Variants in ALK observed in about 807,000 individuals in gnomAD.
ALK encodes the protein ALK tyrosine kinase receptor.
In ALK, 74 loss-of-function variants were observed where a neutral mutation model predicts 163.1. The ratio of observed to expected loss-of-function variants is 0.45; its 90% confidence interval spans 0.38 to 0.55. The LOEUF is 0.55. Ranked by LOEUF, ALK falls within the 20% of genes least tolerant of loss-of-function variation. The probability of loss-of-function intolerance (pLI) is 0.00; values close to 1 mark genes in which losing one functional copy is unlikely to be tolerated. For synonymous variants in ALK, 960 were observed against 843.2 expected (o/e 1.14, Z -2.40); for missense variants, 2,063 against 2,105.3 (o/e 0.98, Z 0.39).
In ALK at chr2:29,771,826, G is replaced by A. The variant is rs566185163; in HGVS notation, c.668-54129C>T. Among the ~76,000 whole-genome samples the A allele has an allele frequency of 7.2e-5, 11 of 151,804 alleles. No individual in the cohort carries two copies. In the East Asian group the frequency reaches 7.8e-4, roughly 11 times the overall value. On this transcript the variant is annotated intron_variant, in intron 1 of 28. Coordinates refer to ENST00000389048, the MANE Select transcript of ALK (RefSeq NM_004304.5). ...TGGGATTACAGGCATGAGCCACTGC[G>A]CCCAGCCTGCACCCTGGAATTCTAT...
At chr2:29,888,281 A>G (rs1386137350) in intron 1 of ALK, among the ~76,000 whole-genome samples, 1 of 136,750 alleles carries the variant, frequency 7.3e-6, no homozygotes. Context: ...GAAACTATGT[A>G]TTAAGCTAAT....
chr2:29,524,080 A>G (rs530644880), intron 4 of ALK, among the ~76,000 whole-genome samples: 8 of 152,138 alleles, frequency 5.3e-5, no homozygotes, highest in African/African-American at 1.9e-4. Flanking sequence ...TCATCTTTTC[A>G]TCGATTGGAG....
chr2:29,512,864 AGAGAGCCAAATCAT>A (rs905452622), intron 4 of ALK, among the ~76,000 whole-genome samples: 8 of 151,140 alleles, frequency 5.3e-5, no homozygotes, highest in African/African-American at 2.0e-4. Flanking sequence ...ACAGACAAAC[AGAGAGCCAAATCAT>A]GAGTGAACTC....
In ALK at chr2:29,207,170, C is replaced by A; in HGVS notation, c.3938+1G>T. On this transcript the variant is annotated splice_donor_variant, in intron 26 of 28. Coordinates refer to ENST00000389048, the MANE Select transcript of ALK (RefSeq NM_004304.5). LOFTEE classifies it high-confidence loss of function. The stretch of plus-strand genomic sequence containing the variant: ...TACCTGGAGGATGATGGCTGACTTA[C>A]CATGTGTCTGTTTTAGAAGTGAATA... 6.2e-7 allele frequency: 1 copy of A among 1,612,074 alleles called. No individual in the cohort carries two copies. Among genetic ancestry groups the A allele is most frequent in the South Asian group, 1.1e-5 (1 of 91,042 alleles).
At chr2:29,402,144 T>A (rs991443088) in intron 4 of ALK, among the ~76,000 whole-genome samples, 2 of 152,144 alleles carry the variant, frequency 1.3e-5, no homozygotes, top group Admixed American at 1.3e-4. Flanking sequence ...CATTCCCAGG[T>A]GAACTCCAGC....
At chr2:29,528,353 TAC>T (rs1034836889) in intron 4 of ALK, among the ~76,000 whole-genome samples, 3 of 152,172 alleles carry the variant, frequency 2.0e-5, no homozygotes, top group African/African-American at 7.2e-5. Flanking sequence ...GGACCAATTT[TAC>T]ACAGACAATT....
chr2:29,764,881 G>T (rs1236748400), intron 1 of ALK, among the ~76,000 whole-genome samples: 2 of 152,138 alleles, frequency 1.3e-5, no homozygotes, highest in African/African-American at 4.8e-5. Context: ...AATTCCAAAT[G>T]TTGGAGGTGG....
chr2:29,382,193 C>T (rs1351501274), intron 5 of ALK, among the ~76,000 whole-genome samples: 1 of 152,170 alleles, frequency 6.6e-6, no homozygotes, highest in Non-Finnish European at 1.5e-5. Flanking sequence ...TAAGAGGGTG[C>T]CCTGCCAGCG....
At chr2:29,406,706 C>T (rs1669592716) in intron 4 of ALK, among the ~76,000 whole-genome samples, 2 of 152,054 alleles carry the variant, frequency 1.3e-5, no homozygotes, top group South Asian at 4.2e-4. Context: ...TCGAGACCAT[C>T]CTGGCCAACA....
chr2:29,481,003 C>T (rs78206780), intron 4 of ALK, among the ~76,000 whole-genome samples: 4,570 of 152,244 alleles, frequency 0.03, 92 homozygotes, highest in South Asian at 0.097. Flanking sequence ...AAAAGAGATC[C>T]GGCATGATCC....
chr2:29,281,982 A>G (rs1011122413), intron 9 of ALK, among the ~76,000 whole-genome samples: 1 of 152,192 alleles, frequency 6.6e-6, no homozygotes, highest in African/African-American at 2.4e-5. Context: ...TAGCTGACAG[A>G]AAGGTTTGTG....
intron 4 of ALK, among the ~76,000 whole-genome samples, chr2:29,450,859 T>A (rs1206928532): frequency 6.6e-6 from 1 of 152,150 alleles, no homozygotes; most frequent in African/African-American, 2.4e-5. Flanking sequence ...ACCCTAATCA[T>A]AGTGCATTCC....
At chr2:29,323,149 T>A (rs950824090) in intron 6 of ALK, among the ~76,000 whole-genome samples, 1 of 152,220 alleles carries the variant, frequency 6.6e-6, no homozygotes, top group Non-Finnish European at 1.5e-5. Context: ...GGGGCAGTAT[T>A]AGTGTCTATT....
At chr2:29,897,149 G>A (rs7586021) in intron 1 of ALK, among the ~76,000 whole-genome samples, 112,325 of 151,844 alleles carry the variant, frequency 0.74, 41,661 homozygotes, top group Non-Finnish European at 0.76. Context: ...GTGAAACCCC[G>A]TCTCTACTAA....
At chr2:29,539,896 A>C (rs1302345392) in intron 3 of ALK, among the ~76,000 whole-genome samples, 2 of 152,180 alleles carry the variant, frequency 1.3e-5, no homozygotes, top group Non-Finnish European at 2.9e-5. Context: ...GCAAAATTAA[A>C]ACATTTAGTT....
intron 1 of ALK, among the ~76,000 whole-genome samples, chr2:29,825,867 A>G (rs1028514741): frequency 6.6e-6 from 1 of 152,104 alleles, no homozygotes; most frequent in Non-Finnish European, 1.5e-5. Flanking sequence ...AAATACTGAG[A>G]AGTTAGAATC....
At chr2:29,200,341 C>A (rs1573088423) in intron 26 of ALK, among the ~76,000 whole-genome samples, 1 of 152,122 alleles carries the variant, frequency 6.6e-6, no homozygotes, top group Non-Finnish European at 1.5e-5. Context: ...TAGAACTGCA[C>A]ATGAATATTT....
At chr2:29,402,488 T>C (rs994025902) in intron 4 of ALK, among the ~76,000 whole-genome samples, 1 of 152,246 alleles carries the variant, frequency 6.6e-6, no homozygotes, top group African/African-American at 2.4e-5. Flanking sequence ...TTGTGGTTTC[T>C]TTATTTTATT....
At chr2:29,553,751 G>T (rs189594793) in intron 3 of ALK, among the ~76,000 whole-genome samples, 9 of 152,282 alleles carry the variant, frequency 5.9e-5, no homozygotes, top group African/African-American at 2.2e-4. Context: ...TTGCACCCCT[G>T]TCTGAACTGG....
Sources: gnomAD v4.1 joint callset for allele counts (sites outside exome capture counted in the v4.1 genomes callset) on GRCh38, gnomAD v4.1.1 for gene constraint, MANE v1.5 for transcripts, NCBI Gene and HGNC (gene_info 2026-07-23, HGNC 2026-07-21) for gene names.